The following RANBP9 variants were observed in gnomAD, a reference collection of about 807,000 sequenced individuals.
RANBP9 encodes RAN binding protein 9.
In RANBP9, 15 loss-of-function variants were observed where a neutral mutation model predicts 84.3. The observed-to-expected ratio is 0.18, with a 90% CI of 0.12 to 0.27. The LOEUF is 0.27. RANBP9 is among the 10% of genes least tolerant of loss of function. RANBP9 has a pLI of 1.00. For missense variants in RANBP9, 809 were observed against 912.8 expected (o/e 0.89, Z 1.46); for synonymous variants, 392 against 349.6 (o/e 1.12, Z -1.35).
chr6:13,672,183 A>G (rs1765792292), intron 2 of RANBP9, among the ~76,000 whole-genome samples: 2 of 152,136 alleles, frequency 1.3e-5, no homozygotes, highest in Admixed American at 1.3e-4. Context: ...GGAAAAGGGA[A>G]AAGTAACCAT....
At chr6:13,665,288 A>T (rs530533899) in intron 2 of RANBP9, among the ~76,000 whole-genome samples, 1 of 152,310 alleles carries the variant, frequency 6.6e-6, no homozygotes, top group Admixed American at 6.5e-5. Flanking sequence ...AAAACTTAAC[A>T]AAAGACATAG....
chr6:13,622,559 G>T, intron 13 of RANBP9, 67 bp from the exon 14 acceptor site: 1 of 1,453,106 alleles, frequency 6.9e-7, no homozygotes, highest in South Asian at 1.4e-5. Context: ...ATTTCAATCA[G>T]GAGAATACTG....
In RANBP9 at chr6:13,696,817, A is replaced by G; in HGVS notation, c.651T>C (p.Phe217=). Reference sequence around the variant, plus strand: ...TTCCCTTACTGACAATTTTTACTTCAAAATAATAAATCCCACAGGCTGCTG... The same window carrying G: ...TTCCCTTACTGACAATTTTTACTTCGAAATAATAAATCCCACAGGCTGCTG... The part of the protein sequence containing the change: ...PIPAACGIYY[F]EVKIVSKGRD... Residue 217 remains phenylalanine, a synonymous_variant, in exon 2 of 14, where the codon TTT becomes TTC. Coordinates refer to ENST00000011619, the MANE Select transcript of RANBP9 (RefSeq NM_005493.3). The G allele has an allele frequency of 6.2e-7, 1 of 1,611,396 alleles. No individual in the cohort carries two copies. The highest frequency in any genetic ancestry group is 1.1e-5 in the South Asian group (1 of 90,668).
At chr6:13,657,074 T>A in intron 4 of RANBP9, 35 bp downstream of exon 4, 1 of 1,521,872 alleles carries the variant, frequency 6.6e-7, no homozygotes, top group Non-Finnish European at 9.0e-7. Context: ...ATCTCCATAT[T>A]TGGTTATTTT....
At chr6:13,703,316 T>C (rs1758022529) in intron 1 of RANBP9, among the ~76,000 whole-genome samples, 1 of 152,080 alleles carries the variant, frequency 6.6e-6, no homozygotes, top group South Asian at 2.1e-4. Flanking sequence ...CTATTCTCCC[T>C]CTCTCTTTCA....
intron 2 of RANBP9, among the ~76,000 whole-genome samples, chr6:13,665,665 T>G (rs1038677214): frequency 2.0e-5 from 3 of 152,072 alleles, no homozygotes; most frequent in Non-Finnish European, 4.4e-5. Context: ...CCAAAAAAAT[T>G]TGTACAAATA....
intron 2 of RANBP9, among the ~76,000 whole-genome samples, chr6:13,686,279 AT>A (rs1218561433): frequency 1.3e-5 from 2 of 151,082 alleles, no homozygotes; most frequent in Non-Finnish European, 3.0e-5. Flanking sequence ...TAATTTTATT[AT>A]TTTTATTTAT....
At chr6:13,630,173 A>C (rs182977592) in intron 12 of RANBP9, among the ~76,000 whole-genome samples, 1 of 152,124 alleles carries the variant, frequency 6.6e-6, no homozygotes, top group Admixed American at 6.5e-5. Flanking sequence ...CTAGATCAAG[A>C]TAAGTTTGGG....
chr6:13,671,521 TTAAGA>T (rs1230822523), intron 2 of RANBP9, among the ~76,000 whole-genome samples: 2 of 152,156 alleles, frequency 1.3e-5, no homozygotes, highest in African/African-American at 4.8e-5. Context: ...TTAAAACATG[TTAAGA>T]TAAAGAAGTC....
intron 1 of RANBP9, among the ~76,000 whole-genome samples, chr6:13,698,009 C>T (rs1012378700): frequency 2.0e-5 from 3 of 152,168 alleles, no homozygotes; most frequent in Non-Finnish European, 4.4e-5. Flanking sequence ...TTAAGATATA[C>T]AATCATCACA....
At chr6:13,698,618 T>C (rs1213111059) in intron 1 of RANBP9, among the ~76,000 whole-genome samples, 2 of 152,184 alleles carry the variant, frequency 1.3e-5, no homozygotes, top group African/African-American at 4.8e-5. Flanking sequence ...GATAAAGTAA[T>C]CCCAAAGTAT....
At chr6:13,639,819 G>C in intron 8 of RANBP9, 66 bp from the exon 9 acceptor site, 1 of 1,314,512 alleles carries the variant, frequency 7.6e-7, no homozygotes. Flanking sequence ...AATAGCAACA[G>C]ATTTCTAAAA....
At chr6:13,679,578 TTA>T (rs556238315) in intron 2 of RANBP9, among the ~76,000 whole-genome samples, 3 of 152,222 alleles carry the variant, frequency 2.0e-5, no homozygotes, top group Non-Finnish European at 4.4e-5. Context: ...ACAAAATTGT[TTA>T]TGTTTCCAAT....
chr6:13,660,643 T>C (rs1056439377), intron 2 of RANBP9, among the ~76,000 whole-genome samples: 4 of 152,198 alleles, frequency 2.6e-5, no homozygotes, highest in African/African-American at 9.7e-5. Flanking sequence ...AAAGTTCATA[T>C]GTAAAAATAT....
chr6:13,622,631 A>G lies in RANBP9; in HGVS notation c.2060-139T>C, dbSNP rs79892677. 1.5e-3 allele frequency: 1,400 copies of G among 952,014 alleles called. 10 individuals carry two copies. In the African/African-American group the frequency reaches 0.021, roughly 14 times the overall value. 59.0% of individuals were successfully genotyped at this position (952,014 alleles called of 1,614,324 possible). On this transcript the variant is annotated intron_variant, in intron 13 of 13. Coordinates refer to ENST00000011619, the MANE Select transcript of RANBP9 (RefSeq NM_005493.3). ...GAAATATCAGCAAATGAAGGTTTCT[A>G]AGCAAAAGACAGATGCCGCCTTGGA...
At chr6:13,663,636 G>T (rs1434972312) in intron 2 of RANBP9, among the ~76,000 whole-genome samples, 2 of 151,786 alleles carry the variant, frequency 1.3e-5, no homozygotes, top group Admixed American at 1.3e-4. Context: ...AATCTAGAAT[G>T]GCTAAAAATA....
chr6:13,697,100 A>G (rs556975890), intron 1 of RANBP9, among the ~76,000 whole-genome samples: 12 of 152,334 alleles, frequency 7.9e-5, no homozygotes, highest in African/African-American at 2.9e-4. Flanking sequence ...TCTTCACACT[A>G]TTACTAGTTT....
intron 2 of RANBP9, among the ~76,000 whole-genome samples, chr6:13,686,121 C>T: frequency 2.0e-5 from 1 of 50,792 alleles, no homozygotes; most frequent in Non-Finnish European, 3.6e-5. Flanking sequence ...CCCCCGCCCC[C>T]CGAAATAGAG....
chr6:13,665,629 T>C (rs1437336096), intron 2 of RANBP9, among the ~76,000 whole-genome samples: 1 of 152,062 alleles, frequency 6.6e-6, no homozygotes, highest in Non-Finnish European at 1.5e-5. Context: ...GCAATACCAC[T>C]CATAAGAAAA....
Sources: allele counts gnomAD v4.1 joint callset (sites outside exome capture counted in the v4.1 genomes callset), GRCh38; gene constraint gnomAD v4.1.1; transcripts MANE v1.5; gene names NCBI Gene and HGNC (gene_info 2026-07-23, HGNC 2026-07-21).